Variants in CFAP92 observed in about 807,000 individuals in gnomAD.
CFAP92 encodes cilia and flagella associated protein 92 (putative).
Under a neutral mutation model 106.3 loss-of-function variants are expected in CFAP92, and 86 were observed. That is an observed-to-expected ratio of 0.81 (90% CI 0.68 to 0.97). CFAP92 has a LOEUF of 0.97. CFAP92 is among the 50% of genes least tolerant of loss of function. The pLI, the probability that CFAP92 is intolerant of heterozygous loss-of-function variation, is 0.00. For synonymous variants in CFAP92, 477 were observed against 506.4 expected (o/e 0.94, Z 0.78); for missense variants, 1,204 against 1,283.8 (o/e 0.94, Z 0.95).
the CFAP92 span, among the ~76,000 whole-genome samples, chr3:129,009,132 C>T: frequency 2.0e-5 from 3 of 152,218 alleles, no homozygotes; most frequent in Non-Finnish European, 4.4e-5. Context: ...TGGCACTTCT[C>T]CCAACTTAGT....
Position 128,915,414 on chromosome 3 carries a change from G to A in CFAP92, c.3066C>T (p.Ser1022=), listed in dbSNP as rs972632001. Residue 1022 remains serine (S), a synonymous_variant, in exon 14 of 16, where the codon AGC becomes AGT. Transcript: ENST00000645291. ...ARGFQVTGLQ[S]DTESSFQDLK... is the part of the protein sequence containing the mutation. ...GATCCTGAAAGCTGCTTTCGGTGTC[G>A]CTCTGAAGACCTGTCACTTGGAATC... 1.5e-4 allele frequency: 225 copies of A among 1,535,984 alleles called. 2 individuals carry two copies. In the Admixed American group the frequency reaches 2.1e-3, roughly 14 times the overall value.
chr3:128,945,951 T>C lies in CFAP92; in HGVS notation c.1378A>G (p.Lys460Glu). Residue 460 changes from lysine (K) to glutamate (E), a missense_variant, in exon 10 of 16, where the codon AAG (lysine) becomes GAG (glutamate). Coordinates refer to ENST00000645291, the MANE Select transcript of CFAP92 (RefSeq NM_001394090.1). ...LERLCMPVYC[K>E]YQFHKTPVHK... ...ACTGGAGTCTTATGGAACTGGTACTTGCAGTACACAGGCATGCACAGCCTC... is the reference window on the plus strand; with the variant it reads ...ACTGGAGTCTTATGGAACTGGTACTCGCAGTACACAGGCATGCACAGCCTC... 1 of 1,445,794 alleles carries C rather than the reference T, an allele frequency of 6.9e-7. No homozygotes were observed. Among genetic ancestry groups the C allele is most frequent in the South Asian group, 1.5e-5 (1 of 68,214 alleles). 89.6% of individuals were successfully genotyped at this position (1,445,794 alleles called of 1,614,324 possible).
intron 2 of CFAP92, chr3:128,991,722 G>C: frequency 9.9e-7 from 1 of 1,006,242 alleles, no homozygotes; most frequent in South Asian, 3.3e-5. Flanking sequence ...ACAGCATGTT[G>C]CTCCACACCG....
intron 12 of CFAP92, among the ~76,000 whole-genome samples, chr3:128,929,887 A>T (rs1478507349): frequency 6.6e-6 from 1 of 152,214 alleles, no homozygotes; most frequent in Non-Finnish European, 1.5e-5. Context: ...CTACTGATTT[A>T]TATATACTTA....
intron 9 of CFAP92, among the ~76,000 whole-genome samples, chr3:128,952,669 T>G (rs1430941189): frequency 6.6e-6 from 1 of 152,186 alleles, no homozygotes; most frequent in Non-Finnish European, 1.5e-5. Context: ...TAGTCCCAGC[T>G]GCTCGGGAGG....
chr3:128,977,714 CT>C (rs1430498553), intron 5 of CFAP92, among the ~76,000 whole-genome samples: 1 of 152,106 alleles, frequency 6.6e-6, no homozygotes, highest in Non-Finnish European at 1.5e-5. Context: ...CAAAAATTAG[CT>C]GGGTGTGGTA....
intron 15 of CFAP92, among the ~76,000 whole-genome samples, chr3:128,913,924 G>A (rs1452008430): frequency 2.2e-4 from 33 of 152,102 alleles, no homozygotes; most frequent in Admixed American, 2.2e-3. Context: ...CCCCCCTTCT[G>A]TGCAGCCTTC....
intron 10 of CFAP92, 22 bp downstream of exon 10, chr3:128,945,049 A>C: frequency 6.8e-7 from 1 of 1,479,044 alleles, no homozygotes; most frequent in Non-Finnish European, 9.0e-7. Context: ...TTTTTATGTA[A>C]AATGTAAAAC....
upstream of CFAP92, chr3:129,003,989 C>T (rs931134536): frequency 2.0e-6 from 3 of 1,499,046 alleles, no homozygotes; most frequent in South Asian, 2.4e-5. Context: ...CAGCCTGCAC[C>T]GCGTGCGAGA....
At chr3:128,978,357 T>C in intron 4 of CFAP92, 172 bp from the exon 5 acceptor site, 1 of 625,034 alleles carries the variant, frequency 1.6e-6, no homozygotes, top group Non-Finnish European at 2.7e-6. Flanking sequence ...ATAAATTATG[T>C]TTATATCATA....
chr3:128,945,380 T>C lies in CFAP92; in HGVS notation c.1949A>G (p.Asp650Gly). The change falls in exon 10 of 16, where the codon GAT becomes GGT. Residue 650 changes from aspartate (D) to glycine (G), a missense_variant. By Grantham distance (94) the Asp-to-Gly change is moderately conservative. Coordinates refer to ENST00000645291, the MANE Select transcript of CFAP92 (RefSeq NM_001394090.1). ...VPLRAGARAA[D>G]PDLGGSQFGR... ...AAACTGGGAGCCCCCAAGGTCAGGATCAGCAGCTCTGGCCCCGGCCCTCAG... is the reference window on the plus strand; with the variant it reads ...AAACTGGGAGCCCCCAAGGTCAGGACCAGCAGCTCTGGCCCCGGCCCTCAG... 6.5e-7 allele frequency: 1 copy of C among 1,536,092 alleles called. No individual in the cohort carries two copies. The highest frequency in any genetic ancestry group is 2.4e-5 in the East Asian group (1 of 40,920).
chr3:129,003,282 A>G, upstream of CFAP92: 1 of 985,174 alleles, frequency 1.0e-6, no homozygotes, highest in Non-Finnish European at 1.2e-6. Context: ...GGCATCTCTC[A>G]TGCTTGGTAT....
chr3:129,009,061 A>T, the CFAP92 span, among the ~76,000 whole-genome samples: 12 of 152,232 alleles, frequency 7.9e-5, no homozygotes, highest in Admixed American at 7.2e-4. Flanking sequence ...CTTCATGTGG[A>T]AAATTTGACA....
At chr3:129,022,171 C>T in the CFAP92 span, among the ~76,000 whole-genome samples, 1 of 152,204 alleles carries the variant, frequency 6.6e-6, no homozygotes, top group Non-Finnish European at 1.5e-5. Flanking sequence ...TTACCAGGGG[C>T]AGGAGCTCCA....
chr3:129,002,261 C>T (rs1176741419), intron 1 of CFAP92: 4 of 1,531,178 alleles, frequency 2.6e-6, no homozygotes, highest in Non-Finnish European at 8.7e-7. Context: ...GCAGCTTGCG[C>T]GAGTTGGTGG....
chr3:128,962,298 A>G (rs1941994471), intron 9 of CFAP92, among the ~76,000 whole-genome samples: 1 of 152,072 alleles, frequency 6.6e-6, no homozygotes, highest in Admixed American at 6.5e-5. Flanking sequence ...ACTCCACATT[A>G]CCTTCTTTTC....
At chr3:128,921,204 G>A (rs894950408) in intron 12 of CFAP92, among the ~76,000 whole-genome samples, 4 of 152,072 alleles carry the variant, frequency 2.6e-5, no homozygotes, top group Admixed American at 6.5e-5. Flanking sequence ...CATTCCTGGC[G>A]CCCAATATGA....
chr3:128,960,693 C>A (rs1453746829), intron 9 of CFAP92, among the ~76,000 whole-genome samples: 1 of 152,240 alleles, frequency 6.6e-6, no homozygotes, highest in Non-Finnish European at 1.5e-5. Flanking sequence ...GTCCTTCACC[C>A]TTAGCGGCTA....
chr3:129,012,939 G>A, the CFAP92 span, among the ~76,000 whole-genome samples: 4 of 152,296 alleles, frequency 2.6e-5, no homozygotes, highest in Admixed American at 1.3e-4. Flanking sequence ...CGCATGGATG[G>A]TTTTCTTTAT....
Sources: gnomAD v4.1 joint callset for allele counts (sites outside exome capture counted in the v4.1 genomes callset) on GRCh38, gnomAD v4.1.1 for gene constraint, MANE v1.5 for transcripts, NCBI Gene and HGNC (gene_info 2026-07-23, HGNC 2026-07-21) for gene names.